Variants in ARIH2 observed in about 807,000 individuals in gnomAD.
ARIH2 encodes the protein ariadne RBR E3 ubiquitin protein ligase 2.
ARIH2 carries 12 observed loss-of-function variants against 79.8 expected under a neutral mutation model. That is an observed-to-expected ratio of 0.15 (90% CI 0.10 to 0.24). The LOEUF (loss-of-function observed/expected upper bound fraction) is 0.24, where lower values mean the gene tolerates loss of function less well. ARIH2 is among the 10% of genes least tolerant of loss of function. The pLI is 1.00. For missense variants in ARIH2, 301 were observed against 618.3 expected (o/e 0.49, Z 5.44); for synonymous variants, 224 against 213.9 (o/e 1.05, Z -0.41).
chr3:48,928,095 C>T (rs2085876514), intron 3 of ARIH2: 1 of 407,862 alleles, frequency 2.5e-6, no homozygotes, highest in Non-Finnish European at 4.4e-6. Flanking sequence ...AGCAGAATTG[C>T]ACAACTTTGC....
chr3:48,957,965 T>G (rs993621900), intron 3 of ARIH2, among the ~76,000 whole-genome samples: 6 of 152,092 alleles, frequency 3.9e-5, no homozygotes, highest in Admixed American at 3.9e-4. Flanking sequence ...CCACCTGCCT[T>G]GGCCTCCCAA....
At chr3:48,953,033 G>A (rs903816621) in intron 3 of ARIH2, among the ~76,000 whole-genome samples, 7 of 151,876 alleles carry the variant, frequency 4.6e-5, no homozygotes, top group Non-Finnish European at 4.4e-5. Context: ...GAGTTCAACC[G>A]ATTCTCATAC....
At chr3:48,969,892 GTTTT>G (rs1316536295) in intron 7 of ARIH2, among the ~76,000 whole-genome samples, 1 of 137,360 alleles carries the variant, frequency 7.3e-6, no homozygotes, top group African/African-American at 2.7e-5. Flanking sequence ...TCAGATATAT[GTTTT>G]TTTTTTTTTT....
intron 7 of ARIH2, among the ~76,000 whole-genome samples, chr3:48,969,178 CTTTT>C (rs562931150): frequency 1.5e-5 from 2 of 137,552 alleles, no homozygotes; most frequent in Admixed American, 7.3e-5. Flanking sequence ...CAGCCTCTTT[CTTTT>C]TTTTTTTTTT....
Position 48,973,734 on chromosome 3 carries a change from A to G in ARIH2, c.806A>G (p.Asp269Gly). The G allele has an allele frequency of 6.2e-7, 1 of 1,614,184 alleles. No homozygotes were observed. The highest frequency in any genetic ancestry group is 2.2e-5 in the East Asian group (1 of 44,890). ...KCRQMYHAPTDCATIRKWLTK... is the reference protein window; with the variant it reads ...KCRQMYHAPTGCATIRKWLTK... ...CGTCAGATGTATCACGCACCCACAG[A>G]CTGTGCCACAATCCGGAAATGGCTC... The change falls in exon 9 of 16, where the codon GAC becomes GGC. Residue 269 changes from aspartate to glycine, a missense_variant. Asp to Gly is a moderately conservative substitution (Grantham distance 94, BLOSUM62 -1). Coordinates refer to ENST00000356401, the MANE Select transcript of ARIH2 (RefSeq NM_006321.4).
chr3:48,939,483 C>T (rs1029597227), intron 3 of ARIH2, among the ~76,000 whole-genome samples: 7 of 144,650 alleles, frequency 4.8e-5, no homozygotes, highest in South Asian at 2.1e-4. Context: ...ATTAGCTGGG[C>T]GCGGTGACTC....
intron 3 of ARIH2, among the ~76,000 whole-genome samples, chr3:48,949,928 A>G (rs901895838): frequency 3.3e-4 from 49 of 150,652 alleles, no homozygotes; most frequent in African/African-American, 1.2e-3. Flanking sequence ...AGTCCAGTTT[A>G]TCTTTATTTT....
At chr3:48,953,946 C>T (rs1233047152) in intron 3 of ARIH2, among the ~76,000 whole-genome samples, 4 of 148,370 alleles carry the variant, frequency 2.7e-5, no homozygotes, top group African/African-American at 1.0e-4. Flanking sequence ...GGTGGATCAC[C>T]TGAGGTCTGG....
chr3:48,947,388 C>T (rs183752354), intron 3 of ARIH2, among the ~76,000 whole-genome samples: 88 of 148,240 alleles, frequency 5.9e-4, no homozygotes, highest in African/African-American at 2.1e-3. Flanking sequence ...TTGTGGTGAG[C>T]CAAGATCGTG....
intron 3 of ARIH2, among the ~76,000 whole-genome samples, chr3:48,948,178 G>T (rs1190819136): frequency 1.3e-5 from 2 of 151,958 alleles, no homozygotes; most frequent in Non-Finnish European, 2.9e-5. Context: ...AGCCAGGATG[G>T]TCTCGATCTC....
At chr3:48,938,934 A>C (rs904479688) in intron 3 of ARIH2, among the ~76,000 whole-genome samples, 22 of 150,610 alleles carry the variant, frequency 1.5e-4, no homozygotes, top group African/African-American at 5.4e-4. Context: ...AAAAAAAAAA[A>C]AAAAACCAAC....
At chr3:48,975,190 C>T in intron 11 of ARIH2, 2 of 713,234 alleles carry the variant, frequency 2.8e-6, no homozygotes, top group Non-Finnish European at 4.5e-6. Flanking sequence ...CTTGCTAACA[C>T]ATATAGTCAG....
chr3:48,930,622 T>C (rs1223876435), intron 3 of ARIH2, among the ~76,000 whole-genome samples: 3 of 152,190 alleles, frequency 2.0e-5, no homozygotes, highest in Admixed American at 6.5e-5. Flanking sequence ...CTGGCCTGTT[T>C]TTATTTTTGT....
chr3:48,939,769 A>C (rs111661834), intron 3 of ARIH2, among the ~76,000 whole-genome samples: 10,256 of 149,556 alleles, frequency 0.069, 501 homozygotes, highest in Non-Finnish European at 0.099. Flanking sequence ...AAAAAAAAAA[A>C]AAAAAAACAA....
chr3:48,941,194 TG>T (rs1013493559), intron 3 of ARIH2, among the ~76,000 whole-genome samples: 15 of 149,828 alleles, frequency 1.0e-4, no homozygotes, highest in Non-Finnish European at 2.1e-4. Context: ...AAAAAATTTG[TG>T]CCTGATGTAT....
At chr3:48,973,407 C>A (rs1486042374) in intron 8 of ARIH2, among the ~76,000 whole-genome samples, 1 of 152,068 alleles carries the variant, frequency 6.6e-6, no homozygotes, top group Non-Finnish European at 1.5e-5. Flanking sequence ...GAAACCCCGT[C>A]TCTACTAAAA....
intron 3 of ARIH2, among the ~76,000 whole-genome samples, chr3:48,940,830 G>A (rs2088064887): frequency 9.2e-6 from 1 of 108,882 alleles, no homozygotes. Context: ...TATATATATA[G>A]CCACATACAT....
chr3:48,972,656 T>C (rs567203037), intron 8 of ARIH2, among the ~76,000 whole-genome samples: 1 of 152,122 alleles, frequency 6.6e-6, no homozygotes, highest in East Asian at 1.9e-4. Context: ...GAAAAAAAAT[T>C]GTAGAGACAG....
At chr3:48,975,258 G>A in intron 11 of ARIH2, 5 of 574,490 alleles carry the variant, frequency 8.7e-6, no homozygotes, top group Non-Finnish European at 1.2e-5. Context: ...TGATTTCAGG[G>A]TGTTGCTTTC....
Sources: allele counts gnomAD v4.1 joint callset (sites outside exome capture counted in the v4.1 genomes callset), GRCh38; gene constraint gnomAD v4.1.1; transcripts MANE v1.5; gene names NCBI Gene and HGNC (gene_info 2026-07-23, HGNC 2026-07-21).